Variants in COLQ observed in about 807,000 individuals in gnomAD.
COLQ encodes the protein acetylcholinesterase collagenic tail peptide.
A neutral mutation model predicts 69.0 loss-of-function variants in COLQ; 48 were observed. The ratio of observed to expected loss-of-function variants is 0.70; its 90% CI spans 0.55 to 0.88. The LOEUF (loss-of-function observed/expected upper bound fraction) is 0.88. Among genes scored for constraint, COLQ ranks in the 40% least tolerant of loss-of-function variants. The pLI is 0.00. For missense variants in COLQ, 618 were observed against 594.6 expected (o/e 1.04, Z -0.41); for synonymous variants, 217 against 211.2 (o/e 1.03, Z -0.24).
chr3:15,507,254 T>C (rs1232469930), intron 1 of COLQ, among the ~76,000 whole-genome samples: 1 of 152,226 alleles, frequency 6.6e-6, no homozygotes, highest in East Asian at 1.9e-4. Flanking sequence ...TCTGTGTATG[T>C]TGGTAAGACT....
chr3:15,478,072 G>A (rs1389476155), intron 5 of COLQ, among the ~76,000 whole-genome samples: 1 of 152,214 alleles, frequency 6.6e-6, no homozygotes, highest in East Asian at 1.9e-4. Flanking sequence ...ATCCTGGCAC[G>A]TGTACTGGTT....
intron 1 of COLQ, among the ~76,000 whole-genome samples, chr3:15,502,113 A>ATTTT: frequency 7.8e-6 from 1 of 128,562 alleles, no homozygotes; most frequent in Non-Finnish European, 1.6e-5. Context: ...ACTTGCACTG[A>ATTTT]TTTTTTTTTT....
chr3:15,500,017 C>G (rs768502178), intron 1 of COLQ, among the ~76,000 whole-genome samples: 2 of 152,070 alleles, frequency 1.3e-5, no homozygotes, highest in African/African-American at 2.4e-5. Context: ...AGAAGAGTGG[C>G]TAACATAGGG....
intron 16 of COLQ, among the ~76,000 whole-genome samples, chr3:15,451,918 G>A (rs1199290482): frequency 6.6e-6 from 1 of 152,190 alleles, no homozygotes; most frequent in Non-Finnish European, 1.5e-5. Flanking sequence ...GTGGAAGGAG[G>A]TGGTTGCCCT....
At chr3:15,517,107 C>T (rs961307576) in intron 1 of COLQ, among the ~76,000 whole-genome samples, 3 of 152,148 alleles carry the variant, frequency 2.0e-5, no homozygotes, top group Non-Finnish European at 2.9e-5. Context: ...CGCACCACTG[C>T]ACTCCAGCCT....
intron 16 of COLQ, among the ~76,000 whole-genome samples, chr3:15,452,213 C>T (rs567627974): frequency 7.2e-5 from 11 of 152,066 alleles, no homozygotes; most frequent in African/African-American, 2.2e-4. Flanking sequence ...ATTACAGGCA[C>T]GTGCCACCAA....
chr3:15,476,168 A>C (rs533235320), intron 6 of COLQ, among the ~76,000 whole-genome samples: 3 of 152,366 alleles, frequency 2.0e-5, no homozygotes, highest in Non-Finnish European at 4.4e-5. Context: ...TGTAATTTAC[A>C]TTTACACATC....
chr3:15,490,252 A>T (rs1267473264), intron 1 of COLQ, among the ~76,000 whole-genome samples: 1 of 152,216 alleles, frequency 6.6e-6, no homozygotes, highest in Non-Finnish European at 1.5e-5. Context: ...TTATTTTTAC[A>T]AAAAGTCTCA....
At chr3:15,493,338 G>C (rs926792259) in intron 1 of COLQ, among the ~76,000 whole-genome samples, 1 of 152,224 alleles carries the variant, frequency 6.6e-6, no homozygotes, top group East Asian at 1.9e-4. Context: ...TGGGGAAAAA[G>C]GAGATTTATT....
chr3:15,456,039 G>A lies in COLQ; in HGVS notation c.1075-20C>T, dbSNP rs2125085681. 6.2e-6 allele frequency: 10 copies of A among 1,613,828 alleles called. No homozygotes were observed. In the East Asian group the frequency reaches 1.1e-4, roughly 18 times the overall value. On this transcript the variant is annotated intron_variant, in intron 14 of 16. Transcript: ENST00000383788. ...GGTCAGCTGGCCAAAGAAGCACACAGCATTAACTGGAGCATGGCATACCCA... is the reference window on the plus strand; with the variant it reads ...GGTCAGCTGGCCAAAGAAGCACACAACATTAACTGGAGCATGGCATACCCA...
chr3:15,467,516 G>A (rs970517359), intron 11 of COLQ, among the ~76,000 whole-genome samples: 14 of 152,210 alleles, frequency 9.2e-5, no homozygotes, highest in African/African-American at 2.2e-4. Flanking sequence ...GGCTACAGCC[G>A]TTCCACATGG....
At chr3:15,474,797 GAA>G (rs2062350398) in intron 8 of COLQ, 126 bp downstream of exon 8, 23 of 1,111,140 alleles carry the variant, frequency 2.1e-5, no homozygotes, top group Non-Finnish European at 3.0e-5. Context: ...AAAGGGTGGG[GAA>G]TAGCTAGGGA....
intron 6 of COLQ, among the ~76,000 whole-genome samples, chr3:15,475,848 G>A (rs1188039030): frequency 1.3e-5 from 2 of 152,060 alleles, no homozygotes; most frequent in Non-Finnish European, 2.9e-5. Flanking sequence ...GTCAATACAC[G>A]CAAAAAACAT....
At position 15,466,456 on chromosome 3, in the gene COLQ, G is replaced by C; in HGVS notation, c.718-19C>G. On this transcript the variant is annotated intron_variant, in intron 11 of 16. Coordinates refer to ENST00000383788, the MANE Select transcript of COLQ (RefSeq NM_005677.4). Reference sequence around the variant, plus strand: ...TCTGTCCCTGACAGAGAGAAAGGCAGAGCCTGTTATGAAAGCATGACATAG... The same window carrying C: ...TCTGTCCCTGACAGAGAGAAAGGCACAGCCTGTTATGAAAGCATGACATAG... The C allele has an allele frequency of 6.2e-7, 1 of 1,603,104 alleles. No homozygotes were observed. Among genetic ancestry groups the C allele is most frequent in the Non-Finnish European group, 8.5e-7 (1 of 1,170,076 alleles).
In COLQ at chr3:15,489,624, C is replaced by T. The variant is rs759795366; in HGVS notation, c.120G>A (p.Leu40=). The change falls in exon 2 of 17, where the codon CTG becomes CTA. Residue 40 remains leucine, a synonymous_variant. Coordinates refer to ENST00000383788, the MANE Select transcript of COLQ (RefSeq NM_005677.4). ...VLPISAALPS[L]DQKKRGGHKA... ...TGTGGCCACCACGCTTCTTCTGATC[C>T]AGGCTGGGAAGGGCTGTTCAGAGAA... is the stretch of plus-strand genomic sequence containing the variant. The T allele has an allele frequency of 6.8e-6, 11 of 1,613,938 alleles. No individual in the cohort carries two copies. In the Admixed American group the frequency reaches 1.8e-4, roughly 27 times the overall value.
chr3:15,483,152 A>C (rs2062519194), intron 3 of COLQ, among the ~76,000 whole-genome samples: 2 of 152,032 alleles, frequency 1.3e-5, no homozygotes, highest in Admixed American at 6.6e-5. Context: ...TGATCTTTTC[A>C]AAAAACCAGC....
intron 1 of COLQ, among the ~76,000 whole-genome samples, chr3:15,519,247 A>G (rs2063103688): frequency 6.6e-6 from 1 of 152,106 alleles, no homozygotes; most frequent in Non-Finnish European, 1.5e-5. Context: ...GGATGTGCGC[A>G]CTGGTTGTTC....
intron 12 of COLQ, 120 bp downstream of exon 12, chr3:15,466,221 G>A (rs1307241449): frequency 5.8e-6 from 4 of 686,476 alleles, no homozygotes; most frequent in African/African-American, 5.3e-5. Flanking sequence ...AGATATTGGA[G>A]TGTCTCTGGT....
intron 12 of COLQ, among the ~76,000 whole-genome samples, chr3:15,460,704 T>C (rs2062099284): frequency 6.6e-6 from 1 of 152,172 alleles, no homozygotes; most frequent in Non-Finnish European, 1.5e-5. Context: ...TAAGTTATGG[T>C]TGTTTGTTCT....
Sources: gnomAD v4.1 joint callset for allele counts (sites outside exome capture counted in the v4.1 genomes callset) on GRCh38, gnomAD v4.1.1 for gene constraint, MANE v1.5 for transcripts, NCBI Gene and HGNC (gene_info 2026-07-23, HGNC 2026-07-21) for gene names.